Variants in CENPT observed in about 807,000 individuals in gnomAD.
CENPT encodes interphase centromere complex protein 22.
Under a neutral mutation model 59.7 loss-of-function variants are expected in CENPT, and 42 were observed. The ratio of observed to expected loss-of-function variants is 0.70; its 90% confidence interval spans 0.55 to 0.91. The LOEUF (loss-of-function observed/expected upper bound fraction) is 0.91. Ranked by LOEUF, CENPT falls within the 40% of genes least tolerant of loss-of-function variation. The pLI is 0.00. For synonymous variants in CENPT, 295 were observed against 289.6 expected, an observed-to-expected ratio of 1.02 and a Z score of -0.19; for missense variants, 716 against 713.4, an observed-to-expected ratio of 1.00 and a Z score of -0.04.
In CENPT at chr16:67,843,107, G is replaced by T. The variant is rs1438350010; in HGVS notation, c.-492+4294C>A. The T allele has an allele frequency of 1.2e-6, 2 of 1,610,784 alleles. No individual in the cohort carries two copies. The highest frequency in any genetic ancestry group is 1.7e-6 in the Non-Finnish European group (2 of 1,179,886). On this transcript the variant is annotated intron_variant, in intron 1 of 15. Coordinates refer to ENST00000562787, the MANE Select transcript of CENPT (RefSeq NM_025082.4). This position sits in a 1 kb window ranked among gnomAD's most constrained non-coding sequence, Gnocchi z 5.7. Reference sequence around the variant, plus strand: ...GCCCATCACTCCCACTGGAGAAGACGTGAAGCCCATCGATCTCACAGTGCA... The same window carrying T: ...GCCCATCACTCCCACTGGAGAAGACTTGAAGCCCATCGATCTCACAGTGCA...
intron 1 of CENPT, among the ~76,000 whole-genome samples, chr16:67,836,570 T>C (rs2057735922): frequency 6.6e-6 from 1 of 151,798 alleles, no homozygotes; most frequent in Non-Finnish European, 1.5e-5. Context: ...CCCAAGCAGC[T>C]AGGATTACAG....
intron 1 of CENPT, among the ~76,000 whole-genome samples, chr16:67,840,727 G>A (rs993525761): frequency 4.0e-5 from 6 of 151,776 alleles, no homozygotes; most frequent in African/African-American, 1.2e-4. Context: ...ACGTACCCCC[G>A]AACCTAAAGT....
rs1363783652 is a variant in CENPT, at chr16:67,832,094, T to C, written c.304A>G (p.Ile102Val). 3.1e-6 allele frequency: 5 copies of C among 1,611,898 alleles called. No individual in the cohort carries two copies. Among genetic ancestry groups the C allele is most frequent in the South Asian group, 2.2e-5 (2 of 90,910 alleles). ...NILLTAPESS[I>V]LMPESVVKPV... ...TTCACTACCGACTCAGGCATCAGGA[T>C]GGAAGATTCTGGGGCTGCAGAAACA... The change falls in exon 7 of 16, where the codon ATC becomes GTC. Residue 102 changes from isoleucine (I) to valine (V), a missense_variant. Physicochemically the swap from Ile to Val is conservative, Grantham distance 29. Transcript: ENST00000562787.
chr16:67,844,942 C>T (rs1054764258), intron 1 of CENPT, among the ~76,000 whole-genome samples: 2 of 152,128 alleles, frequency 1.3e-5, no homozygotes, highest in East Asian at 3.9e-4. Context: ...GCACCCGCCA[C>T]CACGTCGGGC....
rs2057703033 is a variant in CENPT at position 67,832,506 on chromosome 16, C to T, written c.150G>A (p.Lys50=). ...CTATCGTCCTTGTTTGGCCACTCAA[C>T]TTCCTGGGGGAAGCCGTTTCAAGCA... ...RALLETASPR[K]LSGQTRTIAR... Residue 50 remains lysine (K), a synonymous_variant, in exon 5 of 16, where the codon AAG becomes AAA. Coordinates refer to ENST00000562787, the MANE Select transcript of CENPT (RefSeq NM_025082.4). 1 of 1,614,168 alleles carries T rather than the reference C, an allele frequency of 6.2e-7. No individual in the cohort carries two copies. The highest frequency in any genetic ancestry group is 1.3e-5 in the African/African-American group (1 of 75,054).
intron 3 of CENPT, 51 bp from the exon 4 acceptor site, chr16:67,834,151 G>A: frequency 2.9e-6 from 1 of 339,378 alleles, no homozygotes; most frequent in Non-Finnish European, 5.4e-6. Flanking sequence ...AATGATTCAA[G>A]GAGTTGATGT....
intron 4 of CENPT, among the ~76,000 whole-genome samples, chr16:67,833,102 A>C (rs2057709314): frequency 6.6e-6 from 1 of 152,106 alleles, no homozygotes; most frequent in Admixed American, 6.6e-5. Flanking sequence ...AGTCTGGCAG[A>C]TGTCAACGTA....
At position 67,828,689 on chromosome 16, in the gene CENPT, C is replaced by A. The variant is rs760321411; in HGVS notation, c.1435G>T (p.Ala479Ser). The change falls in exon 14 of 16, where the codon GCT becomes TCT. Residue 479 changes from alanine (A) to serine (S), a missense_variant. Ala to Ser is a moderately conservative substitution (Grantham distance 99). Coordinates refer to ENST00000562787, the MANE Select transcript of CENPT (RefSeq NM_025082.4). ...CACCACTTCTCCACCATCTCAAGAG[C>A]CTTCCTCTCCATGGGCATCTTGGCA... ...FYAKMPMERK[A>S]LEMVEKCLDK... The A allele has an allele frequency of 5.0e-6, 8 of 1,614,194 alleles. No individual in the cohort carries two copies. The highest frequency in any genetic ancestry group is 5.9e-6 in the Non-Finnish European group (7 of 1,180,046).
rs754540431 is a variant in CENPT, at chr16:67,831,874, G to A, written c.403C>T (p.Pro135Ser). ...SSCGSLELQL[P>S]ELEPPTTLAP... Reference sequence around the variant, plus strand: ...AGGGTTGTGGGGGGCTCGAGCTCAGGAAGTTGCAGCTCCAGGCTATAAGAA... The same window carrying A: ...AGGGTTGTGGGGGGCTCGAGCTCAGAAAGTTGCAGCTCCAGGCTATAAGAA... The change falls in exon 8 of 16, where the codon CCT becomes TCT. Residue 135 changes from proline (P) to serine (S), a missense_variant. Pro to Ser is a moderately conservative substitution (Grantham distance 74). Transcript: ENST00000562787. The A allele has an allele frequency of 2.5e-6, 4 of 1,611,688 alleles. No homozygotes were observed. Among genetic ancestry groups the A allele is most frequent in the South Asian group, 1.1e-5 (1 of 90,772 alleles).
chr16:67,833,060 T>C (rs1010038683), intron 4 of CENPT, among the ~76,000 whole-genome samples: 3 of 152,120 alleles, frequency 2.0e-5, no homozygotes. Flanking sequence ...ATGAATGGCT[T>C]CTCATTCCCT....
chr16:67,843,610 T>TAAGGCAGC lies in CENPT; in HGVS notation c.-492+3783_-492+3790dup, dbSNP rs1405292039. 2 of 1,126,656 alleles carry TAAGGCAGC rather than the reference T, an allele frequency of 1.8e-6. No homozygotes were observed. The highest frequency in any genetic ancestry group is 2.5e-6 in the Non-Finnish European group (2 of 802,640). 69.8% of individuals were successfully genotyped at this position (1,126,656 alleles called of 1,614,324 possible). On this transcript the variant is annotated intron_variant, in intron 1 of 15. Coordinates refer to ENST00000562787, the MANE Select transcript of CENPT (RefSeq NM_025082.4). This position sits in a 1 kb window ranked among gnomAD's most constrained non-coding sequence, Gnocchi z 5.7. ...GGCACTGGTTGACAGTACTGAGGCTTAAGGCAGCTGGACTCTCTTGCTGGT... is the reference window on the plus strand; with the variant it reads ...GGCACTGGTTGACAGTACTGAGGCTTAAGGCAGCAAGGCAGCTGGACTCTCTTGCTGGT...
intron 1 of CENPT, among the ~76,000 whole-genome samples, chr16:67,840,099 G>A (rs1474399359): frequency 2.6e-5 from 4 of 151,822 alleles, no homozygotes; most frequent in East Asian, 1.9e-4. Context: ...GGCGGATCAC[G>A]AAGTCAGGAG....
intron 13 of CENPT, 158 bp downstream of exon 13, chr16:67,829,265 G>A: frequency 1.7e-6 from 1 of 581,922 alleles, no homozygotes. Context: ...CACCAGGATG[G>A]CAGGGGTGCT....
In CENPT at chr16:67,843,618, C is replaced by A; in HGVS notation, c.-492+3783G>T. On this transcript the variant is annotated intron_variant, in intron 1 of 15. Transcript: ENST00000562787. The surrounding 1 kb of genome is among the most constrained non-coding windows in gnomAD (Gnocchi z 5.7). ...TTGACAGTACTGAGGCTTAAGGCAG[C>A]TGGACTCTCTTGCTGGTGACCTGGC... is the stretch of plus-strand genomic sequence containing the variant. 1 of 1,035,780 alleles carries A rather than the reference C, an allele frequency of 9.7e-7. No homozygotes were observed. Among genetic ancestry groups the A allele is most frequent in the Non-Finnish European group, 1.4e-6 (1 of 723,036 alleles). 64.2% of individuals were successfully genotyped at this position (1,035,780 alleles called of 1,614,324 possible).
In CENPT at chr16:67,843,720, G is replaced by C. The variant is rs2057780373; in HGVS notation, c.-492+3681C>G. On this transcript the variant is annotated intron_variant, in intron 1 of 15. Coordinates refer to ENST00000562787, the MANE Select transcript of CENPT (RefSeq NM_025082.4). The surrounding 1 kb of genome is among the most constrained non-coding windows in gnomAD (Gnocchi z 5.7). ...TGGTGACACCAGCAATTATGACTTT[G>C]TCTACCCTTCCTCCCCAGTTATTGT... The C allele has an allele frequency of 1.9e-6, 1 of 513,670 alleles. No individual in the cohort carries two copies. The highest frequency in any genetic ancestry group is 3.5e-6 in the Non-Finnish European group (1 of 283,332). The allele number at this position is 513,670 out of a possible 1,614,324, so 31.8% of individuals were successfully genotyped here. A position where few individuals can be genotyped will look rare whatever the true frequency, so the allele number is the denominator to read the frequency against.
At position 67,829,810 on chromosome 16, in the gene CENPT, C is replaced by A; in HGVS notation, c.1141G>T (p.Gly381Trp). 6.2e-7 allele frequency: 1 copy of A among 1,614,224 alleles called. No individual in the cohort carries two copies. The highest frequency in any genetic ancestry group is 8.5e-7 in the Non-Finnish European group (1 of 1,180,028). The change falls in exon 12 of 16, where the codon GGG (glycine) becomes TGG (tryptophan). Residue 381 changes from glycine to tryptophan, a missense_variant. Coordinates refer to ENST00000562787, the MANE Select transcript of CENPT (RefSeq NM_025082.4). ...TCATCCCCTGAAGATGCTCCTGGCC[C>A]GTCAGCCTCAGCAGTCCCCTGGGAT... ...EGSQGTAEAD[G>W]PGASSGDEDA...
chr16:67,830,250 T>G, intron 11 of CENPT, 140 bp downstream of exon 11: 1 of 1,257,816 alleles, frequency 8.0e-7, no homozygotes, highest in Non-Finnish European at 1.1e-6. Context: ...TGGCCCAACA[T>G]GGACTCTGCT....
chr16:67,828,846 G>C lies in CENPT; in HGVS notation c.1281-3C>G, dbSNP rs769884566. The C allele has an allele frequency of 3.2e-6, 5 of 1,576,292 alleles. No individual in the cohort carries two copies. The South Asian group carries it at 5.9e-5, about 19-fold the overall frequency. The stretch of plus-strand genomic sequence containing the variant: ...GCTCTGCAGGCTCTGAAGATAAGCT[G>C]AGGGCAACAGTGGACAGAGGGGGCT... On this transcript the variant is annotated splice_region_variant and splice_polypyrimidine_tract_variant and intron_variant, in intron 13 of 15. Coordinates refer to ENST00000562787, the MANE Select transcript of CENPT (RefSeq NM_025082.4).
rs928576455 is a variant in CENPT, at chr16:67,831,995, G to T, written c.386+17C>A. The T allele has an allele frequency of 2.5e-6, 4 of 1,592,276 alleles. No individual in the cohort carries two copies. Among genetic ancestry groups the T allele is most frequent in the African/African-American group, 1.3e-5 (1 of 74,462 alleles). ...AGCTGCCCATAGCACAATCCAAGGT[G>T]GGGGAGTTCTGTGTACCTGCCGCAA... On this transcript the variant is annotated intron_variant, in intron 7 of 15. Transcript: ENST00000562787.
Sources: allele counts gnomAD v4.1 joint callset (sites outside exome capture counted in the v4.1 genomes callset), GRCh38; gene constraint gnomAD v4.1.1; non-coding constraint Gnocchi (gnomAD v3.1); transcripts MANE v1.5; gene names NCBI Gene and HGNC (gene_info 2026-07-23, HGNC 2026-07-21).